The following AFAP1 variants were observed in gnomAD, a reference collection of about 807,000 sequenced individuals.
The protein encoded by AFAP1 is actin filament-associated protein 1.
AFAP1 carries 75 observed loss-of-function variants against 93.9 expected under a neutral mutation model. That is an observed-to-expected ratio of 0.80 (90% CI 0.66 to 0.97). The LOEUF is 0.97. Among genes scored for constraint, AFAP1 ranks in the 50% least tolerant of loss-of-function variants. AFAP1 has a pLI of 0.00. For missense variants in AFAP1, 1,201 were observed against 1,050.8 expected, an observed-to-expected ratio of 1.14 and a Z score of -1.98; for synonymous variants, 517 against 430.7, an observed-to-expected ratio of 1.20 and a Z score of -2.48.
At chr4:7,891,613 T>G (rs978314575) in intron 1 of AFAP1, among the ~76,000 whole-genome samples, 1 of 152,128 alleles carries the variant, frequency 6.6e-6, no homozygotes, top group Non-Finnish European at 1.5e-5. Context: ...CTCTAATGAA[T>G]TGTATTCTCT....
chr4:7,860,009 G>C (rs982350040), intron 3 of AFAP1, among the ~76,000 whole-genome samples: 1 of 152,022 alleles, frequency 6.6e-6, no homozygotes, highest in Non-Finnish European at 1.5e-5. Flanking sequence ...CAGGCATGAT[G>C]GTGCATGCCT....
chr4:7,779,390 A>C (rs998667227), intron 13 of AFAP1, among the ~76,000 whole-genome samples: 1 of 152,222 alleles, frequency 6.6e-6, no homozygotes, highest in Admixed American at 6.5e-5. Flanking sequence ...CAAGAGAAGC[A>C]TAACACAGGC....
chr4:7,787,131 G>A (rs12511919), intron 11 of AFAP1, among the ~76,000 whole-genome samples: 15,546 of 152,302 alleles, frequency 0.1, 1,085 homozygotes, highest in East Asian at 0.27. Flanking sequence ...GATGAGAGCT[G>A]GTTGCCAGGG....
At chr4:7,805,242 A>C (rs898469459) in intron 9 of AFAP1, among the ~76,000 whole-genome samples, 3 of 152,078 alleles carry the variant, frequency 2.0e-5, no homozygotes, top group African/African-American at 4.8e-5. Context: ...ACCAAATGAG[A>C]CGTATCTAGC....
chr4:7,937,147 A>G (rs1267415515), intron 1 of AFAP1, among the ~76,000 whole-genome samples: 1 of 152,252 alleles, frequency 6.6e-6, no homozygotes, highest in Non-Finnish European at 1.5e-5. Flanking sequence ...AATATGAAAG[A>G]TATTGCCAAA....
At chr4:7,837,775 T>C (rs559276642) in intron 6 of AFAP1, among the ~76,000 whole-genome samples, 10 of 152,276 alleles carry the variant, frequency 6.6e-5, no homozygotes, top group Admixed American at 4.6e-4. Flanking sequence ...TCCCAGCACT[T>C]TGGGAGGCCA....
intron 10 of AFAP1, among the ~76,000 whole-genome samples, chr4:7,799,738 ACAT>A (rs1276166778): frequency 6.6e-6 from 1 of 152,220 alleles, no homozygotes; most frequent in Non-Finnish European, 1.5e-5. Flanking sequence ...TGGGTAGAAA[ACAT>A]CAACAGAATG....
chr4:7,818,101 G>C (rs1413296147), intron 7 of AFAP1, among the ~76,000 whole-genome samples: 1 of 152,180 alleles, frequency 6.6e-6, no homozygotes, highest in African/African-American at 2.4e-5. Context: ...GGAGCTGTGA[G>C]TAAGCAGCCT....
chr4:7,888,008 G>A (rs1161933127), intron 1 of AFAP1, among the ~76,000 whole-genome samples: 1 of 151,846 alleles, frequency 6.6e-6, no homozygotes, highest in Non-Finnish European at 1.5e-5. Flanking sequence ...TGTATTTTTG[G>A]TAGTGACATG....
At position 7,872,004 on chromosome 4, in the gene AFAP1, C is replaced by T. The variant is rs776393237; in HGVS notation, c.75G>A (p.Arg25=). 2 of 1,614,072 alleles carry T rather than the reference C, an allele frequency of 1.2e-6. No homozygotes were observed. Among genetic ancestry groups the T allele is most frequent in the Non-Finnish European group, 1.7e-6 (2 of 1,179,996 alleles). The change falls in exon 2 of 18, where the codon AGG becomes AGA. Residue 25 remains arginine, a synonymous_variant. Coordinates refer to ENST00000420658, the MANE Select transcript of AFAP1 (RefSeq NM_001134647.2). ...TGTTGGTTATCACTGCCTTTTTCTC[C>T]CTGACAGTTGAGGTTAGATATTCAT... The part of the protein sequence containing the change: ...LDHEYLTSTV[R]EKKAVITNIL...
chr4:7,865,762 G>A (rs1716327154), intron 3 of AFAP1, among the ~76,000 whole-genome samples: 1 of 152,212 alleles, frequency 6.6e-6, no homozygotes, highest in Admixed American at 6.5e-5. Flanking sequence ...TGGCACGTGA[G>A]GGACATGCAG....
chr4:7,816,667 G>C (rs1560176995), intron 7 of AFAP1, among the ~76,000 whole-genome samples: 1 of 152,312 alleles, frequency 6.6e-6, no homozygotes, highest in Non-Finnish European at 1.5e-5. Context: ...TTCCACGTCA[G>C]TATCTGAATG....
rs374534726 is a variant in AFAP1, at chr4:7,798,792, G to A, written c.1266+1650C>T. On this transcript the variant is annotated intron_variant, in intron 10 of 17. Transcript: ENST00000420658. ...TGTGCCCCCAGCAATGGCAGGGCAG[G>A]TGACTTCTTCACCAAACAGCTCCTG... The A allele has an allele frequency of 1.2e-5, 9 of 729,560 alleles. No individual in the cohort carries two copies. The East Asian group carries it at 3.9e-4, about 32-fold the overall frequency. 45.2% of individuals were successfully genotyped at this position (729,560 alleles called of 1,614,324 possible). A position where few individuals can be genotyped will look rare whatever the true frequency, so the allele number is the denominator to read the frequency against.
chr4:7,920,874 T>A (rs1238557900), intron 1 of AFAP1, among the ~76,000 whole-genome samples: 2 of 152,146 alleles, frequency 1.3e-5, no homozygotes, highest in African/African-American at 4.8e-5. Flanking sequence ...CTGAAAAATA[T>A]CTTCTACAGA....
chr4:7,929,570 C>A (rs11942696), intron 1 of AFAP1, among the ~76,000 whole-genome samples: 4,631 of 152,260 alleles, frequency 0.03, 231 homozygotes, highest in African/African-American at 0.1. Flanking sequence ...TGCCTGCCCC[C>A]CTTCCTCCCT....
At chr4:7,778,577 C>T (rs982988985) in intron 14 of AFAP1, 185 bp downstream of exon 14, 1 of 641,068 alleles carries the variant, frequency 1.6e-6, no homozygotes, top group Non-Finnish European at 2.8e-6. Flanking sequence ...TACAAGCAGT[C>T]AGAAAAGCTG....
At chr4:7,794,252 G>A (rs1044099356) in intron 10 of AFAP1, among the ~76,000 whole-genome samples, 5 of 152,182 alleles carry the variant, frequency 3.3e-5, no homozygotes, top group Admixed American at 1.3e-4. Context: ...TTTACTGGTC[G>A]CAAACTTTTT....
rs1010441985 is a variant in AFAP1 at position 7,824,904 on chromosome 4, A to C, written c.727-5733T>G. 9.8e-5 allele frequency among the ~76,000 whole-genome samples: 15 copies of C among 152,310 alleles called. No homozygotes were observed. In the East Asian group the frequency reaches 2.1e-3, roughly 22 times the overall value. ...TGATTTGACCACTATGCAATCTATG[A>C]ATATAAATTTATACAGATCTTTTCC... On this transcript the variant is annotated intron_variant, in intron 6 of 17. Transcript: ENST00000420658.
chr4:7,820,466 C>T (rs537210778), intron 6 of AFAP1, among the ~76,000 whole-genome samples: 2 of 152,194 alleles, frequency 1.3e-5, no homozygotes, highest in African/African-American at 4.8e-5. Flanking sequence ...ACCTGGAGCC[C>T]GTTGGCGTCA....
Sources: gnomAD v4.1 joint callset for allele counts (sites outside exome capture counted in the v4.1 genomes callset) on GRCh38, gnomAD v4.1.1 for gene constraint, MANE v1.5 for transcripts, NCBI Gene and HGNC (gene_info 2026-07-23, HGNC 2026-07-21) for gene names.